GSE1: variants seen among roughly 807,000 people sequenced by gnomAD.
GSE1 encodes Gse1 coiled-coil protein.
A neutral mutation model predicts 112.6 loss-of-function variants in GSE1; 32 were observed. The ratio of observed to expected loss-of-function variants is 0.28; its 90% CI spans 0.21 to 0.38. The LOEUF (loss-of-function observed/expected upper bound fraction) is 0.38, where lower values mean the gene tolerates loss of function less well. GSE1 is among the 10% of genes least tolerant of loss of function. GSE1 has a pLI of 1.00. For synonymous variants in GSE1, 1,115 were observed against 735.6 expected (o/e 1.52, Z -8.35); for missense variants, 2,348 against 1,699.2 (o/e 1.38, Z -6.71).
chr16:85,354,431 G>A (rs561649555), intron 1 of GSE1, among the ~76,000 whole-genome samples: 1 of 152,358 alleles, frequency 6.6e-6, no homozygotes, highest in East Asian at 1.9e-4. Flanking sequence ...CAGTAAAAAG[G>A]GTTGTTTTCT....
intron 3 of GSE1, among the ~76,000 whole-genome samples, chr16:85,652,160 T>A (rs1443694032): frequency 6.6e-6 from 1 of 152,192 alleles, no homozygotes; most frequent in African/African-American, 2.4e-5. Flanking sequence ...TGCTGCCCTG[T>A]GAGTCCCCCG....
intron 1 of GSE1, among the ~76,000 whole-genome samples, chr16:85,212,705 A>G (rs1043675830): frequency 2.0e-5 from 3 of 152,138 alleles, no homozygotes; most frequent in Non-Finnish European, 4.4e-5. Flanking sequence ...CAAGAAAACT[A>G]ATATGACGCC....
chr16:85,475,260 G>C (rs900083108), intron 2 of GSE1, among the ~76,000 whole-genome samples: 1 of 152,322 alleles, frequency 6.6e-6, no homozygotes, highest in South Asian at 2.1e-4. Context: ...GGGGAGGGAC[G>C]CTTTGCAGAG....
chr16:85,464,950 G>T (rs555618038), intron 2 of GSE1, among the ~76,000 whole-genome samples: 1 of 152,204 alleles, frequency 6.6e-6, no homozygotes, highest in South Asian at 2.1e-4. Context: ...TCAGGGGGAG[G>T]GCACTGGCTT....
chr16:85,431,038 A>G (rs1464965583), intron 2 of GSE1, among the ~76,000 whole-genome samples: 1 of 151,552 alleles, frequency 6.6e-6, no homozygotes, highest in African/African-American at 2.4e-5. Flanking sequence ...TCCCCAAGTG[A>G]TTTTTGAGTG....
At chr16:85,170,934 G>A (rs1055906173) in exon 1 of GSE1, 3 of 985,474 alleles carry the variant, frequency 3.0e-6, no homozygotes, top group Non-Finnish European at 2.4e-6. Context: ...CGAGGGAAGA[G>A]GGCCTGCCCT....
chr16:85,342,996 T>G (rs1597442621), intron 1 of GSE1, among the ~76,000 whole-genome samples: 1 of 150,554 alleles, frequency 6.6e-6, no homozygotes, highest in Non-Finnish European at 1.5e-5. Flanking sequence ...CAGCAGGGAG[T>G]GGGGAGCAGA....
intron 1 of GSE1, among the ~76,000 whole-genome samples, chr16:85,188,617 C>T (rs573144732): frequency 5.3e-4 from 80 of 151,900 alleles, no homozygotes; most frequent in Non-Finnish European, 9.1e-4. Flanking sequence ...GCCTGGGCAA[C>T]ATAGCAAGAC....
chr16:85,303,980 C>T (rs779255904), intron 1 of GSE1, among the ~76,000 whole-genome samples: 82 of 152,356 alleles, frequency 5.4e-4, no homozygotes, highest in Middle Eastern at 3.4e-3. Context: ...ACAATGAGAA[C>T]AGGACCCCAG....
chr16:85,288,581 G>A (rs2045111023), intron 1 of GSE1, among the ~76,000 whole-genome samples: 1 of 152,258 alleles, frequency 6.6e-6, no homozygotes, highest in South Asian at 2.1e-4. Flanking sequence ...AGAAGCCTCT[G>A]ATCTGAAGGA....
intron 1 of GSE1, among the ~76,000 whole-genome samples, chr16:85,268,236 CA>C (rs528790522): frequency 0.74 from 113,089 of 151,798 alleles, 43,203 homozygotes; most frequent in African/African-American, 0.92. Context: ...CAAGGTGTGG[CA>C]CAAGGGTTCT....
chr16:85,614,197 T>C lies in GSE1; in HGVS notation c.7+799T>C, dbSNP rs372032006. 3.5e-4 allele frequency among the ~76,000 whole-genome samples: 53 copies of C among 150,544 alleles called. No individual in the cohort carries two copies. In the East Asian group the frequency reaches 5.1e-3, roughly 15 times the overall value. ...TTTTTCCCTCCCCGGCCCTTCCTGC[T>C]CCGCCTGGATGCGCCTCCCCGCCCC... On this transcript the variant is annotated intron_variant, in intron 1 of 15. Coordinates refer to ENST00000253458, the MANE Select transcript of GSE1 (RefSeq NM_014615.5).
Position 85,392,423 on chromosome 16 carries a change from G to A in GSE1, c.2464+34780G>A, listed in dbSNP as rs1445554278. On this transcript the variant is annotated intron_variant, in intron 2 of 2. Coordinates refer to the GSE1 transcript ENST00000637419. Reference sequence around the variant, plus strand: ...CATCCATTGCTTCGGGCTGGGGAGGGGATGGAGAGTGATTGCTAATGGTTA... The same window carrying A: ...CATCCATTGCTTCGGGCTGGGGAGGAGATGGAGAGTGATTGCTAATGGTTA... Among the ~76,000 whole-genome samples the A allele has an allele frequency of 4.6e-5, 7 of 152,314 alleles. No homozygotes were observed. The East Asian group carries it at 9.7e-4, about 21-fold the overall frequency.
intron 1 of GSE1, among the ~76,000 whole-genome samples, chr16:85,267,464 G>T (rs889362914): frequency 6.6e-6 from 1 of 152,138 alleles, no homozygotes; most frequent in Admixed American, 6.5e-5. Context: ...GTGACCGTGG[G>T]GGGTGGGGGA....
At chr16:85,407,749 CATTGTT>C (rs1201599884) in intron 2 of GSE1, among the ~76,000 whole-genome samples, 1 of 20,474 alleles carries the variant, frequency 4.9e-5, no homozygotes, top group Admixed American at 3.9e-4. Context: ...GGATAATCCT[CATTGTT>C]ACACTCAGGG....
chr16:85,612,387 G>A (rs923129241), upstream of GSE1, among the ~76,000 whole-genome samples: 3 of 151,808 alleles, frequency 2.0e-5, no homozygotes, highest in African/African-American at 7.3e-5. Flanking sequence ...GTGAGGTAGG[G>A]TGGGGGGTGC....
intron 12 of GSE1, 37 bp from the exon 13 acceptor site, chr16:85,665,939 C>G: frequency 3.7e-6 from 6 of 1,605,740 alleles, no homozygotes; most frequent in African/African-American, 1.3e-5. Context: ...TGTTAACTTG[C>G]ATTTCTTAAT....
intron 1 of GSE1, among the ~76,000 whole-genome samples, chr16:85,186,034 C>T (rs938858861): frequency 1.3e-5 from 2 of 152,186 alleles, no homozygotes; most frequent in African/African-American, 2.4e-5. Flanking sequence ...CGAGAGACCA[C>T]GATGGGCCGG....
intron 2 of GSE1, among the ~76,000 whole-genome samples, chr16:85,507,406 G>A (rs982578823): frequency 1.2e-4 from 19 of 152,208 alleles, no homozygotes; most frequent in African/African-American, 4.3e-4. Context: ...GGGGTGGGGA[G>A]GGCAGCCCAG....
Sources: gnomAD v4.1 joint callset for allele counts (sites outside exome capture counted in the v4.1 genomes callset) on GRCh38, gnomAD v4.1.1 for gene constraint, MANE v1.5 for transcripts, NCBI Gene and HGNC (gene_info 2026-07-23, HGNC 2026-07-21) for gene names.